ALDH6A1: variants seen among roughly 807,000 people sequenced by gnomAD.
The protein encoded by ALDH6A1 is aldehyde dehydrogenase 6 family member A1, also known as methylmalonate-semialdehyde/malonate-semialdehyde dehydrogenase [acylating], mitochondrial.
ALDH6A1 carries 43 observed loss-of-function variants against 62.6 expected under a neutral mutation model. The ratio of observed to expected loss-of-function variants is 0.69; its 90% CI spans 0.54 to 0.89. The LOEUF is 0.89. Ranked by LOEUF, ALDH6A1 falls within the 40% of genes least tolerant of loss-of-function variation. The pLI is 0.00. For synonymous variants in ALDH6A1, 194 were observed against 234.2 expected (o/e 0.83, Z 1.57); for missense variants, 551 against 661.3 (o/e 0.83, Z 1.83).
At chr14:74,069,962 C>T (rs562785484) in intron 6 of ALDH6A1, among the ~76,000 whole-genome samples, 2 of 150,486 alleles carry the variant, frequency 1.3e-5, no homozygotes, top group Non-Finnish European at 2.9e-5. Context: ...AGCTGTCTTC[C>T]CACCTCATGG....
At position 74,057,902 on chromosome 14, in the gene ALDH6A1, T is replaced by G; in HGVS notation, c.*2740A>C. 8 of 995,484 alleles carry G rather than the reference T, an allele frequency of 8.0e-6. No individual in the cohort carries two copies. Among genetic ancestry groups the G allele is most frequent in the Non-Finnish European group, 9.6e-6 (8 of 836,214 alleles). The allele number at this position is 995,484 out of a possible 1,614,324, so 61.7% of individuals were successfully genotyped here. ...GCATCACAGTTCTGATTAGTGTGTT[T>G]TTTTAGAAGTGATTTCCCTTAAATA... On this transcript the variant is annotated 3_prime_UTR_variant, in exon 12 of 12. Transcript: ENST00000553458.
chr14:74,071,470 G>A lies in ALDH6A1; in HGVS notation c.455C>T (p.Thr152Ile), dbSNP rs1015917471. ...CATGGTCTCTCCCATCATGAGGGATGTCACACTACAGGCATGCTCAACCAC... is the reference window on the plus strand; with the variant it reads ...CATGGTCTCTCCCATCATGAGGGATATCACACTACAGGCATGCTCAACCAC... ...LQVVEHACSV[T>I]SLMMGETMPS... Residue 152 changes from threonine (T) to isoleucine (I), a missense_variant, in exon 6 of 12, where the codon ACA (threonine) becomes ATA (isoleucine). Transcript: ENST00000553458. 8 of 1,613,992 alleles carry A rather than the reference G, an allele frequency of 5.0e-6. No individual in the cohort carries two copies. Among genetic ancestry groups the A allele is most frequent in the African/African-American group, 2.7e-5 (2 of 74,898 alleles).
chr14:74,061,753 A>T (rs2060346384), intron 11 of ALDH6A1, among the ~76,000 whole-genome samples: 1 of 152,188 alleles, frequency 6.6e-6, no homozygotes, highest in Non-Finnish European at 1.5e-5. Flanking sequence ...ATAACATGTG[A>T]GCCCAAAAAT....
At chr14:74,072,139 C>T (rs762266996) in intron 4 of ALDH6A1, 64 bp downstream of exon 4, 24 of 1,612,006 alleles carry the variant, frequency 1.5e-5, no homozygotes, top group Non-Finnish European at 1.7e-5. Flanking sequence ...GAAAAGGTCT[C>T]TGTGAGAGTG....
At chr14:74,071,855 T>C (rs2060553933) in intron 5 of ALDH6A1, 41 bp downstream of exon 5, 1 of 1,600,090 alleles carries the variant, frequency 6.2e-7, no homozygotes. Context: ...CCATCTTCCT[T>C]TGGTCCTTCC....
chr14:74,066,571 A>G, intron 9 of ALDH6A1, 134 bp downstream of exon 9: 1 of 953,646 alleles, frequency 1.0e-6, no homozygotes, highest in Non-Finnish European at 1.6e-6. Flanking sequence ...GACTCCAGAT[A>G]AAATAATTGA....
At chr14:74,063,723 A>G (rs10129682) in intron 11 of ALDH6A1, among the ~76,000 whole-genome samples, 78,236 of 150,524 alleles carry the variant, frequency 0.52, 20,982 homozygotes, top group East Asian at 0.9. Context: ...AAAATTAGCC[A>G]AGTGTGGTGG....
Position 74,057,226 on chromosome 14 carries a change from A to G in ALDH6A1, c.*3416T>C, listed in dbSNP as rs1456059534. ...CTCTTCTGGTGAAGTGGTGCTACCCACTATTCCAAAAGAACCTCAGGAGTC... is the reference window on the plus strand; with the variant it reads ...CTCTTCTGGTGAAGTGGTGCTACCCGCTATTCCAAAAGAACCTCAGGAGTC... On this transcript the variant is annotated 3_prime_UTR_variant, in exon 12 of 12. Coordinates refer to ENST00000553458, the MANE Select transcript of ALDH6A1 (RefSeq NM_005589.4). 2.5e-6 allele frequency: 4 copies of G among 1,614,024 alleles called. No homozygotes were observed. The highest frequency in any genetic ancestry group is 1.3e-5 in the African/African-American group (1 of 74,946).
At chr14:74,071,829 C>T in intron 5 of ALDH6A1, 67 bp downstream of exon 5, 2 of 1,559,562 alleles carry the variant, frequency 1.3e-6, no homozygotes, top group Non-Finnish European at 1.8e-6. Context: ...ACCTCCCATT[C>T]TGCGATCTTT....
chr14:74,069,468 C>T (rs114771645), intron 6 of ALDH6A1, among the ~76,000 whole-genome samples: 1,908 of 151,670 alleles, frequency 0.013, 37 homozygotes, highest in African/African-American at 0.042. Context: ...TCTATTTAGC[C>T]GGCTGGACAC....
chr14:74,067,186 C>T (rs2060480194), intron 8 of ALDH6A1, among the ~76,000 whole-genome samples, 194 bp downstream of exon 8: 1 of 152,120 alleles, frequency 6.6e-6, no homozygotes, highest in Non-Finnish European at 1.5e-5. Context: ...TGCACTCCAG[C>T]TTGGGTAACA....
chr14:74,071,438 T>G lies in ALDH6A1; in HGVS notation c.487A>C (p.Ile163Leu). ...SLMMGETMPS[I>L]TKDMDLYSYR... ...GAATAAAGGTCCATGTCTTTGGTGA[T>G]GGATGGCATGGTCTCTCCCATCATG... The change falls in exon 6 of 12, where the codon ATC becomes CTC. Residue 163 changes from isoleucine (I) to leucine (L), a missense_variant. Transcript: ENST00000553458. 6.2e-7 allele frequency: 1 copy of G among 1,614,178 alleles called. No homozygotes were observed. Among genetic ancestry groups the G allele is most frequent in the Non-Finnish European group, 8.5e-7 (1 of 1,180,028 alleles).
At chr14:74,079,918 G>A (rs1033688845) in intron 1 of ALDH6A1, among the ~76,000 whole-genome samples, 1 of 152,046 alleles carries the variant, frequency 6.6e-6, no homozygotes, top group Non-Finnish European at 1.5e-5. Context: ...TGCACCTGTG[G>A]TCCCAGGTAC....
At chr14:74,072,077 G>C (rs892300864) in intron 4 of ALDH6A1, 103 bp from the exon 5 acceptor site, 2 of 1,563,600 alleles carry the variant, frequency 1.3e-6, no homozygotes, top group South Asian at 2.2e-5. Flanking sequence ...CAGTACAAGG[G>C]AGAGAGTCAT....
At chr14:74,072,504 C>T (rs778700077) in intron 3 of ALDH6A1, 33 bp downstream of exon 3, 2 of 1,614,100 alleles carry the variant, frequency 1.2e-6, no homozygotes, top group South Asian at 2.2e-5. Flanking sequence ...ATTCTAGGCT[C>T]ATAAGTTGAA....
In ALDH6A1 at chr14:74,072,520, A is replaced by G; in HGVS notation, c.186+17T>C. ...TTCTAGGCTCATAAGTTGAAGTCCC[A>G]AAGCAGCTTCGCTTACTGGGTTGTG... On this transcript the variant is annotated intron_variant, in intron 3 of 11. Transcript: ENST00000553458. The G allele has an allele frequency of 6.2e-7, 1 of 1,614,194 alleles. No individual in the cohort carries two copies. The highest frequency in any genetic ancestry group is 8.5e-7 in the Non-Finnish European group (1 of 1,180,042).
rs2060434920 is a variant in ALDH6A1, at chr14:74,064,916, C to T, written c.1409G>A (p.Gly470Glu). 6.2e-7 allele frequency: 1 copy of T among 1,613,004 alleles called. No individual in the cohort carries two copies. Among genetic ancestry groups the T allele is most frequent in the Non-Finnish European group, 8.5e-7 (1 of 1,179,396 alleles). ...YAHLVDVGQV[G>E]VNVPIPVPLP... Reference sequence around the variant, plus strand: ...AGGCACTGGAATGGGGACATTCACTCCCACCTAAAACAGAACAAATCCGTG... The same window carrying T: ...AGGCACTGGAATGGGGACATTCACTTCCACCTAAAACAGAACAAATCCGTG... Residue 470 changes from glycine (G) to glutamate (E), a missense_variant, in exon 11 of 12, where the codon GGA (glycine) becomes GAA (glutamate). Physicochemically the swap from Gly to Glu is moderately conservative, Grantham distance 98. Coordinates refer to ENST00000553458, the MANE Select transcript of ALDH6A1 (RefSeq NM_005589.4).
chr14:74,077,840 A>G (rs1595133045), intron 1 of ALDH6A1, among the ~76,000 whole-genome samples: 1 of 152,216 alleles, frequency 6.6e-6, no homozygotes, highest in African/African-American at 2.4e-5. Flanking sequence ...TTGACACTGC[A>G]TCTGTCTTGT....
chr14:74,075,923 A>T (rs1027575760), intron 1 of ALDH6A1, among the ~76,000 whole-genome samples: 2 of 152,224 alleles, frequency 1.3e-5, no homozygotes, highest in Admixed American at 6.5e-5. Flanking sequence ...CTGCTGATAC[A>T]TGCAATATAA....
Sources: allele counts gnomAD v4.1 joint callset (sites outside exome capture counted in the v4.1 genomes callset), GRCh38; gene constraint gnomAD v4.1.1; transcripts MANE v1.5; gene names NCBI Gene and HGNC (gene_info 2026-07-23, HGNC 2026-07-21).